Variants in EXO1 observed in about 807,000 individuals in gnomAD.
EXO1 encodes the protein exonuclease 1.
Under a neutral mutation model 84.5 loss-of-function variants are expected in EXO1, and 69 were observed. The ratio of observed to expected loss-of-function variants is 0.82; its 90% CI spans 0.67 to 1.00. The LOEUF (loss-of-function observed/expected upper bound fraction) is 1.00. Ranked by LOEUF, EXO1 falls within the 50% of genes least tolerant of loss-of-function variation. The probability of loss-of-function intolerance (pLI) is 0.00; values close to 1 mark genes in which losing one functional copy is unlikely to be tolerated. For missense variants in EXO1, 1,045 were observed against 1,000.7 expected (o/e 1.04, Z -0.60); for synonymous variants, 373 against 366.1 (o/e 1.02, Z -0.21).
At chr1:241,861,539 T>C (rs1439226878) in intron 10 of EXO1, 37 bp downstream of exon 10, 1 of 1,090,100 alleles carries the variant, frequency 9.2e-7, no homozygotes, top group African/African-American at 1.5e-5. Flanking sequence ...AAACACGTTT[T>C]AGTTATGTCC....
At position 241,857,423 on chromosome 1, in the gene EXO1, G is replaced by A; in HGVS notation, c.484G>A (p.Gly162Arg). The change falls in exon 7 of 16, where the codon GGA (glycine) becomes AGA (arginine). Residue 162 changes from glycine (G) to arginine (R), a missense_variant. By Grantham distance (125) the Gly-to-Arg change is moderately radical. Transcript: ENST00000366548. ...DAQLAYLNKA[G>R]IVQAIITEDS... ...GCAGTTGGCCTATCTTAACAAAGCG[G>A]GAATTGTGCAAGCCATAATTACAGA... 2 of 1,613,832 alleles carry A rather than the reference G, an allele frequency of 1.2e-6. No homozygotes were observed. Among genetic ancestry groups the A allele is most frequent in the Admixed American group, 3.3e-5 (2 of 59,986 alleles).
chr1:241,861,483 A>G lies in EXO1; in HGVS notation c.1022A>G (p.Tyr341Cys), dbSNP rs748924199. The change falls in exon 10 of 16, where the codon TAC becomes TGC. Residue 341 changes from tyrosine to cysteine, a missense_variant. By Grantham distance (194) the Tyr-to-Cys change is radical. Coordinates refer to ENST00000366548, the MANE Select transcript of EXO1 (RefSeq NM_130398.4). ...AATACTTTTGAACAGATCGATGACTACAATCCAGACACTGCTATGGTAACG... is the reference window on the plus strand; with the variant it reads ...AATACTTTTGAACAGATCGATGACTGCAATCCAGACACTGCTATGGTAACG... ...DINTFEQIDD[Y>C]NPDTAMPAHS... 1.9e-6 allele frequency: 3 copies of G among 1,574,824 alleles called. No homozygotes were observed. Among genetic ancestry groups the G allele is most frequent in the African/African-American group, 1.3e-5 (1 of 74,250 alleles).
chr1:241,861,475 C>T lies in EXO1; in HGVS notation c.1014C>T (p.Ile338=), dbSNP rs372371375. The T allele has an allele frequency of 5.0e-6, 8 of 1,588,338 alleles. No homozygotes were observed. Among genetic ancestry groups the T allele is most frequent in the African/African-American group, 2.7e-5 (2 of 74,376 alleles). ...GNKDINTFEQ[I]DDYNPDTAMP... is the part of the protein sequence containing the mutation. ...AAGATATAAATACTTTTGAACAGAT[C>T]GATGACTACAATCCAGACACTGCTA... The change falls in exon 10 of 16, where the codon ATC becomes ATT. Residue 338 remains isoleucine (I), a synonymous_variant. Coordinates refer to ENST00000366548, the MANE Select transcript of EXO1 (RefSeq NM_130398.4).
chr1:241,888,668 T>C (rs1280690560), intron 15 of EXO1, among the ~76,000 whole-genome samples: 1 of 152,234 alleles, frequency 6.6e-6, no homozygotes, highest in East Asian at 1.9e-4. Flanking sequence ...TGGTATTTAA[T>C]TTTTGTTGAC....
In EXO1 at chr1:241,858,713, G is replaced by A. The variant is rs1454409100; in HGVS notation, c.751G>A (p.Val251Ile). The A allele has an allele frequency of 7.5e-6, 12 of 1,603,794 alleles. No individual in the cohort carries two copies. Among genetic ancestry groups the A allele is most frequent in the Middle Eastern group, 1.6e-4 (1 of 6,064 alleles). The part of the protein sequence containing the change: ...VLRLANNPDI[V>I]KVIKKIGHYL... ...AAGACTAGCCAATAATCCAGATATA[G>A]TAAAGGTAAGAGTGATTTGCTAAGT... The change falls in exon 8 of 16, where the codon GTA becomes ATA. Residue 251 changes from valine to isoleucine, a missense_variant. Transcript: ENST00000366548.
chr1:241,867,732 A>G (rs1055937205), intron 11 of EXO1, among the ~76,000 whole-genome samples: 1 of 152,098 alleles, frequency 6.6e-6, no homozygotes, highest in African/African-American at 2.4e-5. Context: ...AGCTGACCAC[A>G]TATATGTGGA....
chr1:241,850,259 G>C, intron 3 of EXO1, 150 bp from the exon 4 acceptor site: 1 of 581,868 alleles, frequency 1.7e-6, no homozygotes, highest in East Asian at 3.2e-5. Context: ...CCTCCTGGGC[G>C]AAAGAGCGAG....
chr1:241,885,627 A>G lies in EXO1; in HGVS notation c.2405+120A>G, dbSNP rs1342202698. 6 of 792,766 alleles carry G rather than the reference A, an allele frequency of 7.6e-6. No individual in the cohort carries two copies. The East Asian group carries it at 1.5e-4, about 20-fold the overall frequency. 49.1% of individuals were successfully genotyped at this position (792,766 alleles called of 1,614,324 possible). A position where few individuals can be genotyped will look rare whatever the true frequency, so the allele number is the denominator to read the frequency against. On this transcript the variant is annotated intron_variant, in intron 15 of 15. Coordinates refer to ENST00000366548, the MANE Select transcript of EXO1 (RefSeq NM_130398.4). The stretch of plus-strand genomic sequence containing the variant: ...TTTTTGTTTCTCTCACTATAAAATA[A>G]TTATTTTTCTCTCTTCCCTTTAGCT...
intron 6 of EXO1, among the ~76,000 whole-genome samples, chr1:241,856,091 C>T (rs1052437082): frequency 9.9e-5 from 15 of 152,106 alleles, no homozygotes; most frequent in Non-Finnish European, 1.3e-4. Flanking sequence ...GAGGAGGCGC[C>T]GAGAGCGAGG....
chr1:241,882,704 AACCTCATT>A (rs1662846344), intron 14 of EXO1, among the ~76,000 whole-genome samples: 2 of 152,170 alleles, frequency 1.3e-5, no homozygotes. Flanking sequence ...ATATGTGTTT[AACCTCATT>A]TGTTTAACCG....
At position 241,889,558 on chromosome 1, in the gene EXO1, C is replaced by A; in HGVS notation, c.2499C>A (p.Asn833Lys). The A allele has an allele frequency of 6.2e-7, 1 of 1,614,020 alleles. No individual in the cohort carries two copies. The highest frequency in any genetic ancestry group is 8.5e-7 in the Non-Finnish European group (1 of 1,179,916). ...LTPEAEEDIF[N>K]KPECGRVQRA... is the part of the protein sequence containing the mutation. ...CAGAAGCGGAAGAGGATATATTTAA[C>A]AAACCTGAATGTGGCCGTGTTCAAA... is the stretch of plus-strand genomic sequence containing the variant. Residue 833 changes from asparagine to lysine, a missense_variant, in exon 16 of 16, where the codon AAC (asparagine) becomes AAA (lysine). Transcript: ENST00000366548.
intron 12 of EXO1, among the ~76,000 whole-genome samples, chr1:241,872,579 C>T (rs1281804902): frequency 6.6e-6 from 1 of 152,038 alleles, no homozygotes; most frequent in Non-Finnish European, 1.5e-5. Flanking sequence ...TGTTCAACTC[C>T]CATTTATGAG....
chr1:241,874,881 TGTAA>T (rs1261039609), intron 12 of EXO1, among the ~76,000 whole-genome samples: 2 of 152,280 alleles, frequency 1.3e-5, no homozygotes, highest in Admixed American at 1.3e-4. Flanking sequence ...AAAAAGGAAA[TGTAA>T]GTGTCAGAAG....
intron 10 of EXO1, among the ~76,000 whole-genome samples, chr1:241,862,597 G>A (rs78458651): frequency 6.6e-6 from 1 of 152,138 alleles, no homozygotes; most frequent in Non-Finnish European, 1.5e-5. Context: ...TGTATAACAT[G>A]CTTCTATTCT....
At chr1:241,875,567 A>AAC (rs538182252) in intron 12 of EXO1, among the ~76,000 whole-genome samples, 209 of 152,342 alleles carry the variant, frequency 1.4e-3, no homozygotes, top group African/African-American at 4.8e-3. Context: ...ACAAAACTGG[A>AAC]ACAGTGTTCT....
At chr1:241,876,811 A>G (rs375733346) in intron 12 of EXO1, among the ~76,000 whole-genome samples, 227 of 152,276 alleles carry the variant, frequency 1.5e-3, no homozygotes, top group African/African-American at 5.3e-3. Context: ...CACAGTTGAT[A>G]TAATGGATTG....
intron 9 of EXO1, among the ~76,000 whole-genome samples, chr1:241,860,940 C>G (rs1286991284): frequency 6.6e-6 from 1 of 152,204 alleles, no homozygotes; most frequent in Non-Finnish European, 1.5e-5. Context: ...GATTGACTGA[C>G]AGTAGCATGC....
chr1:241,867,192 G>A (rs1031157083), intron 11 of EXO1, 137 bp downstream of exon 11: 13 of 728,194 alleles, frequency 1.8e-5, no homozygotes, highest in Non-Finnish European at 2.9e-5. Flanking sequence ...TTTTCACCCT[G>A]CTGATAAACA....
At chr1:241,868,114 C>T (rs1661856547) in intron 11 of EXO1, among the ~76,000 whole-genome samples, 1 of 152,066 alleles carries the variant, frequency 6.6e-6, no homozygotes, top group Non-Finnish European at 1.5e-5. Context: ...GTGGCTCACA[C>T]CTATAATCCC....
Sources: allele counts gnomAD v4.1 joint callset (sites outside exome capture counted in the v4.1 genomes callset), GRCh38; gene constraint gnomAD v4.1.1; transcripts MANE v1.5; gene names NCBI Gene and HGNC (gene_info 2026-07-23, HGNC 2026-07-21).